RHAG: variants seen among roughly 807,000 people sequenced by gnomAD.
The protein encoded by RHAG is Rh associated glycoprotein.
RHAG carries 25 observed loss-of-function variants against 42.4 expected under a neutral mutation model. The observed-to-expected ratio is 0.59, with a 90% confidence interval of 0.43 to 0.82. RHAG has a LOEUF of 0.82. Among genes scored for constraint, RHAG ranks in the 40% least tolerant of loss-of-function variants. The pLI is 0.00. For missense variants in RHAG, 483 were observed against 504.6 expected (o/e 0.96, Z 0.41); for synonymous variants, 182 against 177.7 (o/e 1.02, Z -0.19).
At chr6:49,609,021 T>C (rs973397277) in intron 7 of RHAG, among the ~76,000 whole-genome samples, 2 of 152,194 alleles carry the variant, frequency 1.3e-5, no homozygotes, top group Admixed American at 6.5e-5. Context: ...TTAACAGCAT[T>C]ACTAGAGTTA....
At chr6:49,616,634 T>G (rs556450213) in intron 3 of RHAG, among the ~76,000 whole-genome samples, 25 of 152,210 alleles carry the variant, frequency 1.6e-4, no homozygotes, top group African/African-American at 5.5e-4. Context: ...ACTCAAAGGG[T>G]CAAATTGTAC....
At chr6:49,628,135 G>GACACAC (rs57969448) in intron 1 of RHAG, among the ~76,000 whole-genome samples, 21 of 135,864 alleles carry the variant, frequency 1.5e-4, no homozygotes, top group African/African-American at 5.5e-4. Flanking sequence ...GTGTGTGTGA[G>GACACAC]ACACACACAC....
chr6:49,608,352 C>A (rs1762511093), intron 7 of RHAG, among the ~76,000 whole-genome samples: 1 of 152,160 alleles, frequency 6.6e-6, no homozygotes, highest in African/African-American at 2.4e-5. Context: ...TAAAACCTAT[C>A]TAGAAATGAG....
intron 1 of RHAG, among the ~76,000 whole-genome samples, chr6:49,628,085 G>A (rs13198920): frequency 0.2 from 30,486 of 151,662 alleles, 3,906 homozygotes; most frequent in Middle Eastern, 0.29. Context: ...TATGCCAGCT[G>A]CTTGGAATGA....
intron 7 of RHAG, among the ~76,000 whole-genome samples, chr6:49,609,193 G>A (rs934967015): frequency 3.9e-5 from 6 of 152,162 alleles, no homozygotes; most frequent in African/African-American, 4.8e-5. Flanking sequence ...AAATTTTACC[G>A]AAGTGAATGC....
At chr6:49,612,669 G>A (rs1762587349) in intron 5 of RHAG, 135 bp from the exon 6 acceptor site, 1 of 1,065,788 alleles carries the variant, frequency 9.4e-7, no homozygotes, top group South Asian at 1.4e-5. Flanking sequence ...TTTAAAAAGA[G>A]GTTTGTTTGG....
intron 1 of RHAG, among the ~76,000 whole-genome samples, chr6:49,635,607 C>T (rs191250960): frequency 1.2e-3 from 178 of 152,186 alleles, no homozygotes; most frequent in Non-Finnish European, 2.1e-3. Flanking sequence ...AGTGTAAAGA[C>T]AGCTAGACTT....
intron 1 of RHAG, among the ~76,000 whole-genome samples, chr6:49,631,227 T>C (rs571578045): frequency 1.3e-5 from 2 of 152,324 alleles, no homozygotes; most frequent in Admixed American, 6.5e-5. Context: ...AAGTATCAAG[T>C]AATCTCTGGG....
At chr6:49,628,012 C>T (rs1175653030) in intron 1 of RHAG, among the ~76,000 whole-genome samples, 1 of 152,104 alleles carries the variant, frequency 6.6e-6, no homozygotes, top group Non-Finnish European at 1.5e-5. Context: ...CTCTCTACCA[C>T]CCAAAAGAAA....
chr6:49,622,839 TTTTTG>T (rs1554175877), intron 1 of RHAG, among the ~76,000 whole-genome samples: 1 of 147,770 alleles, frequency 6.8e-6, no homozygotes, highest in Admixed American at 6.7e-5. Flanking sequence ...ACTTTTTTTT[TTTTTG>T]TTTTGTTTTG....
intron 1 of RHAG, among the ~76,000 whole-genome samples, chr6:49,621,950 A>AT (rs548197564): frequency 1.8e-4 from 27 of 149,770 alleles, no homozygotes; most frequent in Middle Eastern, 3.5e-3. Flanking sequence ...CATTTTGTTC[A>AT]TTTTTTTTAA....
At chr6:49,614,058 T>G (rs991300577) in intron 5 of RHAG, among the ~76,000 whole-genome samples, 1 of 152,230 alleles carries the variant, frequency 6.6e-6, no homozygotes. Context: ...TCTCAGAACT[T>G]GGGAGCAGTT....
At chr6:49,614,610 G>T in intron 5 of RHAG, 77 bp downstream of exon 5, 1 of 1,256,764 alleles carries the variant, frequency 8.0e-7, no homozygotes, top group Non-Finnish European at 1.2e-6. Context: ...CAGTGATGCA[G>T]AAATTACCTA....
At chr6:49,607,118 G>A (rs1334304181) in intron 8 of RHAG, 32 bp downstream of exon 8, 1 of 1,555,312 alleles carries the variant, frequency 6.4e-7, no homozygotes, top group East Asian at 2.2e-5. Context: ...GAGAGCATAA[G>A]ATACAGGGAA....
intron 1 of RHAG, among the ~76,000 whole-genome samples, chr6:49,621,666 C>A (rs1762761635): frequency 6.6e-6 from 1 of 152,054 alleles, no homozygotes; most frequent in Admixed American, 6.5e-5. Flanking sequence ...ATTTGTCACC[C>A]ACCATTTAAT....
intron 7 of RHAG, among the ~76,000 whole-genome samples, chr6:49,608,092 C>A (rs1369741569): frequency 6.6e-6 from 1 of 152,062 alleles, no homozygotes; most frequent in African/African-American, 2.4e-5. Flanking sequence ...AGTTTAATAT[C>A]CCTCAGATTG....
chr6:49,633,835 A>AT (rs546173824), intron 1 of RHAG, among the ~76,000 whole-genome samples: 11 of 151,834 alleles, frequency 7.2e-5, no homozygotes, highest in African/African-American at 2.2e-4. Flanking sequence ...CAGCCATGGC[A>AT]TTTTTTTTAA....
At chr6:49,620,651 C>A (rs546857783) in intron 1 of RHAG, among the ~76,000 whole-genome samples, 1 of 152,224 alleles carries the variant, frequency 6.6e-6, no homozygotes, top group East Asian at 1.9e-4. Flanking sequence ...CCTGCCTCAG[C>A]CTCCCAAGTA....
At chr6:49,607,902 A>C (rs1040142677) in intron 7 of RHAG, among the ~76,000 whole-genome samples, 1 of 152,152 alleles carries the variant, frequency 6.6e-6, no homozygotes, top group Non-Finnish European at 1.5e-5. Flanking sequence ...ACAATTGGAA[A>C]ATAAGAGTTT....
Sources: allele counts gnomAD v4.1 joint callset (sites outside exome capture counted in the v4.1 genomes callset), GRCh38; gene constraint gnomAD v4.1.1; transcripts MANE v1.5; gene names NCBI Gene and HGNC (gene_info 2026-07-23, HGNC 2026-07-21).